PLXND1: variants seen among roughly 807,000 people sequenced by gnomAD.
PLXND1 encodes plexin D1.
In PLXND1, 54 loss-of-function variants were observed where a neutral mutation model predicts 197.7. That is an observed-to-expected ratio of 0.27 (90% CI 0.22 to 0.34). PLXND1 has a LOEUF of 0.34. Ranked by LOEUF, PLXND1 falls within the 10% of genes least tolerant of loss-of-function variation. PLXND1 has a pLI of 1.00. For synonymous variants in PLXND1, 1,180 were observed against 1,161.2 expected (o/e 1.02, Z -0.33); for missense variants, 2,127 against 2,699.2 (o/e 0.79, Z 4.70).
At position 129,562,857 on chromosome 3, in the gene PLXND1, C is replaced by G. The variant is rs2085081797; in HGVS notation, c.4755G>C (p.Glu1585Asp). 1.9e-6 allele frequency: 3 copies of G among 1,612,300 alleles called. No individual in the cohort carries two copies. The highest frequency in any genetic ancestry group is 2.5e-6 in the Non-Finnish European group (3 of 1,178,576). ...MDTDTLTQVKEKILEAFCKNV... is the reference protein window; with the variant it reads ...MDTDTLTQVKDKILEAFCKNV... ...TCTTGCAGAAGGCCTCCAGGATCTT[C>G]TCCTTGACCTGTGTCAGCGTGTCGG... The change falls in exon 27 of 36, where the codon GAG (glutamate) becomes GAC (aspartate). Residue 1585 changes from glutamate (E) to aspartate (D), a missense_variant. This residue lies in a region of PLXND1 where 532 missense variants were observed against 811.0 expected (regional missense o/e 0.66). Coordinates refer to ENST00000324093, the MANE Select transcript of PLXND1 (RefSeq NM_015103.3).
intron 1 of PLXND1, among the ~76,000 whole-genome samples, chr3:129,592,081 T>C (rs952917209): frequency 6.6e-6 from 1 of 152,112 alleles, no homozygotes; most frequent in African/African-American, 2.4e-5. Context: ...GCCTGGCCGC[T>C]CCCTCTGCCC....
At chr3:129,587,203 G>A (rs1173379594) in intron 2 of PLXND1, among the ~76,000 whole-genome samples, 1 of 152,216 alleles carries the variant, frequency 6.6e-6, no homozygotes, top group Non-Finnish European at 1.5e-5. Context: ...CTGCTAGGCT[G>A]CACGTCTCAT....
chr3:129,556,090 C>A lies in PLXND1; in HGVS notation c.*222G>T, dbSNP rs938279599. ...GCCTGACCAGCTCTCTGGCCTCCAT[C>A]CCAGAGACTGATCTGGGGACAGGTG... On this transcript the variant is annotated 3_prime_UTR_variant, in exon 36 of 36. Coordinates refer to ENST00000324093, the MANE Select transcript of PLXND1 (RefSeq NM_015103.3). 2 of 535,426 alleles carry A rather than the reference C, an allele frequency of 3.7e-6. No homozygotes were observed. Among genetic ancestry groups the A allele is most frequent in the Middle Eastern group, 5.1e-4 (1 of 1,950 alleles). 33.2% of individuals were successfully genotyped at this position (535,426 alleles called of 1,614,324 possible).
chr3:129,571,235 C>A lies in PLXND1; in HGVS notation c.3405G>T (p.Ala1135=), dbSNP rs373062587. The A allele has an allele frequency of 5.6e-6, 9 of 1,614,132 alleles. No homozygotes were observed. The highest frequency in any genetic ancestry group is 7.6e-6 in the Non-Finnish European group (9 of 1,180,004). Reference sequence around the variant, plus strand: ...GCCCATTGATGAAGAAGTCCACTGGCGCTGATGCGTTGCTCAGGGCCCCGG... The same window carrying A: ...GCCCATTGATGAAGAAGTCCACTGGAGCTGATGCGTTGCTCAGGGCCCCGG... ...PSPGALSNAS[A]PVDFFINGRA... Residue 1135 remains alanine, a synonymous_variant, in exon 18 of 36, where the codon GCG becomes GCT. Transcript: ENST00000324093.
intron 25 of PLXND1, among the ~76,000 whole-genome samples, 154 bp from the exon 26 acceptor site, chr3:129,563,394 G>T (rs140808562): frequency 6.6e-6 from 1 of 152,084 alleles, no homozygotes; most frequent in African/African-American, 2.4e-5. Context: ...GTGTCTCCAC[G>T]GACCCTAAGC....
chr3:129,585,928 G>C (rs1425747659), intron 5 of PLXND1, 24 bp downstream of exon 5: 15 of 1,613,608 alleles, frequency 9.3e-6, no homozygotes, highest in Admixed American at 3.3e-5. Context: ...TCCCGAGCTG[G>C]GTCTTGCCTC....
intron 5 of PLXND1, 84 bp from the exon 6 acceptor site, chr3:129,584,646 T>G (rs1277837685): frequency 1.5e-6 from 2 of 1,300,262 alleles, no homozygotes; most frequent in East Asian, 4.7e-5. Context: ...ACCCAAGGTC[T>G]GGCACTGCCT....
Position 129,606,046 on chromosome 3 carries a change from G to C in PLXND1, c.594C>G (p.Pro198=). 2 of 1,591,848 alleles carry C rather than the reference G, an allele frequency of 1.3e-6. No homozygotes were observed. The highest frequency in any genetic ancestry group is 1.7e-6 in the Non-Finnish European group (2 of 1,173,104). ...NASTVGLVLP[P]AAGAGGSRLL... Reference sequence around the variant, plus strand: ...GGCGGCTGCCCCCCGCGCCCGCGGCGGGAGGCAGAACTAGCCCCACGGTGG... The same window carrying C: ...GGCGGCTGCCCCCCGCGCCCGCGGCCGGAGGCAGAACTAGCCCCACGGTGG... Residue 198 remains proline, a synonymous_variant, in exon 1 of 36, where the codon CCC becomes CCG. Transcript: ENST00000324093.
intron 1 of PLXND1, among the ~76,000 whole-genome samples, chr3:129,603,099 T>G (rs2085733889): frequency 6.6e-6 from 1 of 152,144 alleles, no homozygotes; most frequent in Non-Finnish European, 1.5e-5. Flanking sequence ...TGAGCACCTC[T>G]GGGAGATACT....
intron 1 of PLXND1, among the ~76,000 whole-genome samples, chr3:129,594,633 C>T (rs929010106): frequency 1.3e-5 from 2 of 152,128 alleles, no homozygotes; most frequent in African/African-American, 4.8e-5. Flanking sequence ...AACTGCAAAG[C>T]GCTTAATGCA....
intron 1 of PLXND1, among the ~76,000 whole-genome samples, chr3:129,596,849 G>T (rs2085632455): frequency 6.6e-6 from 1 of 152,154 alleles, no homozygotes; most frequent in African/African-American, 2.4e-5. Context: ...ACACAGCCAA[G>T]AAGACAGGGC....
intron 6 of PLXND1, 59 bp downstream of exon 6, chr3:129,584,326 T>C: frequency 6.2e-7 from 1 of 1,600,670 alleles, no homozygotes. Flanking sequence ...GCCATCCCCA[T>C]GCCTGACAGT....
At chr3:129,573,821 C>T in intron 12 of PLXND1, 76 bp from the exon 13 acceptor site, 1 of 1,515,534 alleles carries the variant, frequency 6.6e-7, no homozygotes, top group Admixed American at 1.9e-5. Context: ...CAGTCACAGG[C>T]ACCCAGCAGG....
At position 129,573,667 on chromosome 3, in the gene PLXND1, C is replaced by T. The variant is rs764275076; in HGVS notation, c.2764G>A (p.Asp922Asn). The change falls in exon 13 of 36, where the codon GAC (aspartate) becomes AAC (asparagine). Residue 922 changes from aspartate (D) to asparagine (N), a missense_variant. Asp to Asn is a conservative substitution (Grantham distance 23). Transcript: ENST00000324093. ...RGRNLGRRLS[D>N]VAHGVWIGGV... ...CCAATCCACACGCCGTGGGCCACGT[C>T]ACTGAGCCGCCGGCCCAGGTTCCTT... 6.2e-7 allele frequency: 1 copy of T among 1,613,656 alleles called. No individual in the cohort carries two copies. The highest frequency in any genetic ancestry group is 1.1e-5 in the South Asian group (1 of 91,070).
Position 129,570,895 on chromosome 3 carries a change from C to T in PLXND1, c.3641G>A (p.Arg1214Gln), listed in dbSNP as rs147110369. Residue 1214 changes from arginine (R) to glutamine (Q), a missense_variant, in exon 19 of 36, where the codon CGG (arginine) becomes CAG (glutamine). Arg to Gln is a conservative substitution (Grantham distance 43). Around this residue, in one of 6 missense-constraint regions of PLXND1, gnomAD observed 532 missense variants for 811.0 expected, o/e 0.66. Transcript: ENST00000324093. ...GCAGCTTACTTGGCCTATCTTGACC[C>T]GGTACTCGTGACTCTGGAGCCCCAG... ...DSLGLQSHEY[R>Q]VKIGQVSCDI... 9.4e-4 allele frequency: 1,518 copies of T among 1,614,172 alleles called. 7 individuals are homozygous for T. Among genetic ancestry groups the T allele is most frequent in the Non-Finnish European group, 6.4e-4 (756 of 1,180,002 alleles).
intron 1 of PLXND1, among the ~76,000 whole-genome samples, chr3:129,598,464 C>T (rs559171369): frequency 3.9e-5 from 6 of 152,222 alleles, no homozygotes; most frequent in African/African-American, 1.2e-4. Context: ...AGAGCTTGGA[C>T]GGGCATGCGA....
At chr3:129,583,813 T>C (rs780863390) in intron 7 of PLXND1, 144 bp from the exon 8 acceptor site, 2 of 632,900 alleles carry the variant, frequency 3.2e-6, no homozygotes, top group African/African-American at 3.7e-5. Context: ...ATTGGGTCTT[T>C]AAGGTAGTGA....
rs1458204589 is a variant in PLXND1 at position 129,605,758 on chromosome 3, CTG to C, written c.880_881del (p.Gln294ValfsTer137). The part of the protein sequence containing the change: ...LHPSDPPPGA[Q>X]SYAYLALNSE... The stretch of plus-strand genomic sequence containing the variant: ...TGTTGAGCGCCAGGTACGCGTAGGA[CTG>C]TGCACCCGGCGGCGGGTCGGACGGG... On this transcript the variant is annotated frameshift_variant, in exon 1 of 36. Transcript: ENST00000324093. LOFTEE classifies it high-confidence loss of function. 4 of 1,561,778 alleles carry C rather than the reference CTG, an allele frequency of 2.6e-6. No homozygotes were observed. The highest frequency in any genetic ancestry group is 3.5e-6 in the Non-Finnish European group (4 of 1,154,592).
At chr3:129,564,365 G>A (rs531198138) in intron 25 of PLXND1, among the ~76,000 whole-genome samples, 84 of 152,378 alleles carry the variant, frequency 5.5e-4, no homozygotes, top group African/African-American at 1.9e-3. Flanking sequence ...GGACATCTTG[G>A]CTGGGTGCAG....
Sources: allele counts gnomAD v4.1 joint callset (sites outside exome capture counted in the v4.1 genomes callset), GRCh38; gene constraint gnomAD v4.1.1; regional missense constraint gnomAD v4.1.1; transcripts MANE v1.5; gene names NCBI Gene and HGNC (gene_info 2026-07-23, HGNC 2026-07-21).